STXBP5L: variants seen among roughly 807,000 people sequenced by gnomAD.
The protein encoded by STXBP5L is syntaxin-binding protein 5-like.
In STXBP5L, 65 loss-of-function variants were observed where a neutral mutation model predicts 144.5. The observed-to-expected ratio is 0.45, with a 90% CI of 0.37 to 0.55. The LOEUF (loss-of-function observed/expected upper bound fraction) is 0.55, where lower values mean the gene tolerates loss of function less well. Ranked by LOEUF, STXBP5L falls within the 20% of genes least tolerant of loss-of-function variation. STXBP5L has a pLI of 0.00. For synonymous variants in STXBP5L, 505 were observed against 469.6 expected (o/e 1.08, Z -0.97); for missense variants, 1,298 against 1,405.5 (o/e 0.92, Z 1.22).
At chr3:121,202,531 G>T (rs1244340394) in intron 9 of STXBP5L, among the ~76,000 whole-genome samples, 1 of 151,978 alleles carries the variant, frequency 6.6e-6, no homozygotes, top group Non-Finnish European at 1.5e-5. Flanking sequence ...TACTTGCTGG[G>T]TCACTTTCTT....
intron 3 of STXBP5L, among the ~76,000 whole-genome samples, chr3:121,020,782 C>G (rs1166922298): frequency 6.6e-5 from 10 of 151,792 alleles, no homozygotes; most frequent in African/African-American, 2.4e-4. Context: ...TGAAACAAAT[C>G]CTTGAAATAC....
chr3:120,998,121 A>G (rs1943494902), intron 3 of STXBP5L, among the ~76,000 whole-genome samples: 1 of 152,270 alleles, frequency 6.6e-6, no homozygotes, highest in Non-Finnish European at 1.5e-5. Flanking sequence ...CCCACAGCCA[A>G]CATCATACTG....
At chr3:121,395,947 T>A (rs4107753) in intron 22 of STXBP5L, among the ~76,000 whole-genome samples, 23,402 of 152,264 alleles carry the variant, frequency 0.15, 1,912 homozygotes, top group Middle Eastern at 0.19. Flanking sequence ...TTCCTCGGCA[T>A]CTGGCTTATG....
At chr3:120,981,550 T>C (rs1418729213) in intron 3 of STXBP5L, among the ~76,000 whole-genome samples, 1 of 152,152 alleles carries the variant, frequency 6.6e-6, no homozygotes. Flanking sequence ...TAAAAAATAA[T>C]TATCCTTAGT....
chr3:121,119,883 A>G (rs2044384151), intron 6 of STXBP5L, among the ~76,000 whole-genome samples: 1 of 151,286 alleles, frequency 6.6e-6, no homozygotes, highest in African/African-American at 2.4e-5. Context: ...AAATAACGGA[A>G]GTTTAATGTT....
At chr3:121,150,665 A>G (rs992876896) in intron 7 of STXBP5L, among the ~76,000 whole-genome samples, 2 of 152,128 alleles carry the variant, frequency 1.3e-5, no homozygotes, top group Admixed American at 1.3e-4. Flanking sequence ...ATTTTATTAA[A>G]TCTTGGGGCT....
At chr3:121,143,352 C>A (rs2045585558) in intron 7 of STXBP5L, among the ~76,000 whole-genome samples, 1 of 149,218 alleles carries the variant, frequency 6.7e-6, no homozygotes, top group Admixed American at 6.7e-5. Context: ...ACCCTGACAC[C>A]AAAACTAGAC....
chr3:121,013,327 C>T (rs7613240), intron 3 of STXBP5L, among the ~76,000 whole-genome samples: 15,109 of 152,028 alleles, frequency 0.099, 1,183 homozygotes, highest in Admixed American at 0.2. Context: ...TATAAGTGTT[C>T]CCTTTTCTTG....
chr3:120,941,798 A>T (rs150213991), intron 2 of STXBP5L, among the ~76,000 whole-genome samples: 83 of 151,812 alleles, frequency 5.5e-4, no homozygotes, highest in African/African-American at 1.9e-3. Context: ...TTTATAAAGG[A>T]GTTTAGAACT....
At chr3:121,032,142 A>T (rs946760612) in intron 3 of STXBP5L, among the ~76,000 whole-genome samples, 1 of 152,046 alleles carries the variant, frequency 6.6e-6, no homozygotes, top group African/African-American at 2.4e-5. Context: ...GAGATGGCCC[A>T]GGAGGAGTGA....
chr3:121,344,228 C>T (rs1576230321), intron 20 of STXBP5L, among the ~76,000 whole-genome samples: 2 of 152,094 alleles, frequency 1.3e-5, no homozygotes, highest in South Asian at 2.1e-4. Context: ...CCCTTCCTTA[C>T]ACCTTATACA....
chr3:121,308,275 TA>T (rs1363225029), intron 19 of STXBP5L, among the ~76,000 whole-genome samples: 2 of 152,136 alleles, frequency 1.3e-5, no homozygotes, highest in Non-Finnish European at 2.9e-5. Context: ...ATTAAATTTT[TA>T]AAAAAACCTC....
At chr3:121,074,632 T>A (rs1576862834) in intron 5 of STXBP5L, among the ~76,000 whole-genome samples, 1 of 152,166 alleles carries the variant, frequency 6.6e-6, no homozygotes, top group Admixed American at 6.5e-5. Flanking sequence ...TCTTATACAT[T>A]GCCTCATTTT....
intron 3 of STXBP5L, among the ~76,000 whole-genome samples, chr3:120,993,322 T>G (rs1401808105): frequency 6.6e-6 from 1 of 152,062 alleles, no homozygotes; most frequent in Non-Finnish European, 1.5e-5. Context: ...TAATACCATC[T>G]TATTTGTCTA....
chr3:121,281,770 G>A (rs2051067288), intron 19 of STXBP5L, among the ~76,000 whole-genome samples: 1 of 151,950 alleles, frequency 6.6e-6, no homozygotes, highest in Non-Finnish European at 1.5e-5. Flanking sequence ...AACTCAGTTT[G>A]TGTTTAGTGT....
chr3:120,957,390 C>G (rs923667327), intron 3 of STXBP5L, among the ~76,000 whole-genome samples: 1 of 151,950 alleles, frequency 6.6e-6, no homozygotes, highest in African/African-American at 2.4e-5. Context: ...ATGATTCCCA[C>G]TTGATAATGA....
At chr3:121,261,315 T>A (rs1283013092) in intron 18 of STXBP5L, among the ~76,000 whole-genome samples, 1 of 152,190 alleles carries the variant, frequency 6.6e-6, no homozygotes, top group Non-Finnish European at 1.5e-5. Flanking sequence ...TCCTAGTTCA[T>A]GTGGCTACTA....
chr3:121,221,152 G>A (rs1346421165), intron 10 of STXBP5L, among the ~76,000 whole-genome samples: 2 of 151,874 alleles, frequency 1.3e-5, no homozygotes, highest in South Asian at 2.1e-4. Context: ...ACCATGAGTG[G>A]TTCCCTGAGC....
intron 22 of STXBP5L, among the ~76,000 whole-genome samples, chr3:121,385,303 G>T (rs2046403109): frequency 6.6e-6 from 1 of 152,230 alleles, no homozygotes; most frequent in South Asian, 2.1e-4. Flanking sequence ...GGCAAAGAGG[G>T]AACAGGCACA....
Sources: allele counts gnomAD v4.1 joint callset (sites outside exome capture counted in the v4.1 genomes callset), GRCh38; gene constraint gnomAD v4.1.1; transcripts MANE v1.5; gene names NCBI Gene and HGNC (gene_info 2026-07-23, HGNC 2026-07-21).